Variants in PCDHGB4 observed in about 807,000 individuals in gnomAD.
The protein encoded by PCDHGB4 is protocadherin gamma-B4.
In PCDHGB4, 38 loss-of-function variants were observed where a neutral mutation model predicts 60.5. The observed-to-expected ratio is 0.63, with a 90% CI of 0.48 to 0.82. PCDHGB4 has a LOEUF of 0.82. Among genes scored for constraint, PCDHGB4 ranks in the 40% least tolerant of loss-of-function variants. The pLI, the probability that PCDHGB4 is intolerant of heterozygous loss-of-function variation, is 0.00. For synonymous variants in PCDHGB4, 456 were observed against 509.7 expected (o/e 0.89, Z 1.42); for missense variants, 1,109 against 1,209.6 (o/e 0.92, Z 1.23).
chr5:141,432,104 C>T lies in PCDHGB4; in HGVS notation c.2397+41823C>T. The stretch of plus-strand genomic sequence containing the variant: ...GAACGTGGCAGACACCAACGACAAC[C>T]CGCCGGTCTTCCCTCAGGCCTCCTA... On this transcript the variant is annotated intron_variant, in intron 1 of 3. Coordinates refer to ENST00000519479, the MANE Select transcript of PCDHGB4 (RefSeq NM_003736.4). This position sits in a 1 kb window ranked among gnomAD's most constrained non-coding sequence, Gnocchi z 6.0. 1 of 1,614,204 alleles carries T rather than the reference C, an allele frequency of 6.2e-7. No individual in the cohort carries two copies. The highest frequency in any genetic ancestry group is 1.7e-5 in the Admixed American group (1 of 60,026).
rs2092063198 is a variant in PCDHGB4 at position 141,390,146 on chromosome 5, T to C, written c.2262T>C (p.Val754=). The C allele has an allele frequency of 6.2e-7, 1 of 1,614,026 alleles. No individual in the cohort carries two copies. Among genetic ancestry groups the C allele is most frequent in the Non-Finnish European group, 8.5e-7 (1 of 1,179,900 alleles). The change falls in exon 1 of 4, where the codon GTT becomes GTC. Residue 754 remains valine (V), a synonymous_variant. Transcript: ENST00000519479. ...TGCCTTATTCCTACAATCTATGTGT[T>C]GCACATACAGGAAAGACGGAGTTTA... is the stretch of plus-strand genomic sequence containing the variant. ...GTLPYSYNLC[V]AHTGKTEFNF... is the part of the protein sequence containing the mutation.
intron 1 of PCDHGB4, among the ~76,000 whole-genome samples, chr5:141,443,477 C>T (rs1279226136): frequency 6.6e-6 from 1 of 152,116 alleles, no homozygotes; most frequent in Non-Finnish European, 1.5e-5. Flanking sequence ...CAGAATTAGA[C>T]CCTGTCCCAA....
chr5:141,497,831 C>T (rs1336808833), intron 2 of PCDHGB4, among the ~76,000 whole-genome samples: 1 of 152,162 alleles, frequency 6.6e-6, no homozygotes, highest in Non-Finnish European at 1.5e-5. Flanking sequence ...TGATCGCCCC[C>T]GGCCACAACA....
At chr5:141,419,702 G>T (rs116279995) in intron 1 of PCDHGB4, 2 of 1,612,834 alleles carry the variant, frequency 1.2e-6, no homozygotes, top group East Asian at 4.5e-5. Context: ...CAGTGAGCCC[G>T]GGCTCTTCAG....
chr5:141,432,873 T>A lies in PCDHGB4; in HGVS notation c.2397+42592T>A, dbSNP rs753576338. ...GTGGCCGCGGTCTCCTGCGTCTTCCTGGCCTTCGTCATCTTGCTGCTGGCG... is the reference window on the plus strand; with the variant it reads ...GTGGCCGCGGTCTCCTGCGTCTTCCAGGCCTTCGTCATCTTGCTGCTGGCG... On this transcript the variant is annotated intron_variant, in intron 1 of 3. Transcript: ENST00000519479. This position sits in a 1 kb window ranked among gnomAD's most constrained non-coding sequence, Gnocchi z 6.0. 1.4e-5 allele frequency: 22 copies of A among 1,614,204 alleles called. No individual in the cohort carries two copies. The highest frequency in any genetic ancestry group is 3.3e-4 in the Middle Eastern group (2 of 6,062).
intron 1 of PCDHGB4, chr5:141,423,477 C>T (rs376147466): frequency 1.5e-5 from 24 of 1,613,872 alleles, no homozygotes; most frequent in Non-Finnish European, 1.9e-5. Flanking sequence ...TACAGGCTTT[C>T]CTGCAAACCT....
At chr5:141,413,219 G>C in intron 1 of PCDHGB4, 1 of 1,613,506 alleles carries the variant, frequency 6.2e-7, no homozygotes, top group Non-Finnish European at 8.5e-7. Context: ...AAGGATTGCA[G>C]CGGGCTGGTC....
At chr5:141,403,740 C>T in intron 1 of PCDHGB4, 1 of 1,613,920 alleles carries the variant, frequency 6.2e-7, no homozygotes, top group Non-Finnish European at 8.5e-7. Flanking sequence ...TGGCTGCTTA[C>T]TGCAACAGCC....
chr5:141,487,889 T>C lies in PCDHGB4; in HGVS notation c.2398-6918T>C, dbSNP rs984668596. On this transcript the variant is annotated intron_variant, in intron 1 of 3. Transcript: ENST00000519479. The surrounding 1 kb of genome is among the most constrained non-coding windows in gnomAD (Gnocchi z 5.0). ...CAAGAGCCAGGCTGTTGTGGAAGCA[T>C]GATGATGGAATGTGGGAGCACAGGA... 6.7e-6 allele frequency: 5 copies of C among 747,180 alleles called. No homozygotes were observed. The highest frequency in any genetic ancestry group is 1.1e-5 in the Non-Finnish European group (5 of 464,054). The allele number at this position is 747,180 out of a possible 1,614,324, so 46.3% of individuals were successfully genotyped here. A position where few individuals can be genotyped will look rare whatever the true frequency, so the allele number is the denominator to read the frequency against.
Position 141,485,890 on chromosome 5 carries a change from C to G in PCDHGB4, c.2398-8917C>G. 4 of 1,614,156 alleles carry G rather than the reference C, an allele frequency of 2.5e-6. No individual in the cohort carries two copies. Among genetic ancestry groups the G allele is most frequent in the Non-Finnish European group, 2.5e-6 (3 of 1,180,022 alleles). The stretch of plus-strand genomic sequence containing the variant: ...CCGTGCTGGACGTAAACGACAACGC[C>G]CCAGCCTTCCAGCAATCCAGCTACA... On this transcript the variant is annotated intron_variant, in intron 1 of 3. Coordinates refer to ENST00000519479, the MANE Select transcript of PCDHGB4 (RefSeq NM_003736.4). The surrounding 1 kb of genome is among the most constrained non-coding windows in gnomAD (Gnocchi z 5.7).
chr5:141,429,330 T>C (rs2097204620), intron 1 of PCDHGB4, among the ~76,000 whole-genome samples: 1 of 152,188 alleles, frequency 6.6e-6, no homozygotes, highest in East Asian at 1.9e-4. Flanking sequence ...CTTTAATCCA[T>C]TAACTATAAA....
chr5:141,439,162 C>T (rs1422780686), intron 1 of PCDHGB4, among the ~76,000 whole-genome samples: 1 of 149,498 alleles, frequency 6.7e-6, no homozygotes, highest in Non-Finnish European at 1.5e-5. Flanking sequence ...CACTGCACTC[C>T]AGCCTGGGCG....
In PCDHGB4 at chr5:141,477,041, C is replaced by A; in HGVS notation, c.2398-17766C>A. 3 of 1,614,242 alleles carry A rather than the reference C, an allele frequency of 1.9e-6. No individual in the cohort carries two copies. Among genetic ancestry groups the A allele is most frequent in the Admixed American group, 1.7e-5 (1 of 60,036 alleles). Reference sequence around the variant, plus strand: ...AACCGGGATGCTGACAATCAAGGGTCGGCTGGACTTCGAGGACACCAAACT... The same window carrying A: ...AACCGGGATGCTGACAATCAAGGGTAGGCTGGACTTCGAGGACACCAAACT... On this transcript the variant is annotated intron_variant, in intron 1 of 3. Transcript: ENST00000519479. The surrounding 1 kb of genome is among the most constrained non-coding windows in gnomAD (Gnocchi z 4.9).
chr5:141,505,418 A>T lies in PCDHGB4; in HGVS notation c.2482A>T (p.Thr828Ser). 1 of 1,614,186 alleles carries T rather than the reference A, an allele frequency of 6.2e-7. No homozygotes were observed. Among genetic ancestry groups the T allele is most frequent in the East Asian group, 2.2e-5 (1 of 44,876 alleles). The change falls in exon 3 of 4, where the codon ACC becomes TCC. Residue 828 changes from threonine to serine, a missense_variant. By Grantham distance (58) the Thr-to-Ser change is moderately conservative. This residue lies in a region of PCDHGB4 where 1,068 missense variants were observed against 1,089.9 expected (regional missense o/e 0.98). Coordinates refer to ENST00000519479, the MANE Select transcript of PCDHGB4 (RefSeq NM_003736.4). ...SGSQNGDDTG[T>S]WPNNQFDTEM... ...CTCCCAAAATGGCGATGACACCGGC[A>T]CCTGGCCCAACAACCAGTTTGACAC...
rs753581561 is a variant in PCDHGB4, at chr5:141,485,195, T to G, written c.2398-9612T>G. 2.2e-5 allele frequency: 36 copies of G among 1,613,912 alleles called. No homozygotes were observed. Among genetic ancestry groups the G allele is most frequent in the Non-Finnish European group, 1.4e-5 (16 of 1,179,906 alleles). ...AGCAATGCTCCGCAAGGTGAGAAGC[T>G]GGACAGAAATCTGGCGGTGGGCTAC... is the stretch of plus-strand genomic sequence containing the variant. On this transcript the variant is annotated intron_variant, in intron 1 of 3. Transcript: ENST00000519479. The surrounding 1 kb of genome is among the most constrained non-coding windows in gnomAD (Gnocchi z 5.7).
intron 1 of PCDHGB4, among the ~76,000 whole-genome samples, chr5:141,406,925 G>A (rs1003832711): frequency 2.0e-5 from 3 of 152,268 alleles, no homozygotes; most frequent in African/African-American, 7.2e-5. Flanking sequence ...AGAGAATAAT[G>A]TATTATTTAA....
intron 2 of PCDHGB4, among the ~76,000 whole-genome samples, chr5:141,501,290 TACACAC>T (rs55762287): frequency 0.081 from 10,957 of 136,038 alleles, 480 homozygotes; most frequent in African/African-American, 0.13. Context: ...TATTCCCTTA[TACACAC>T]ACACACACAC....
intron 1 of PCDHGB4, chr5:141,478,700 C>A: frequency 1.3e-6 from 2 of 1,549,172 alleles, no homozygotes; most frequent in Non-Finnish European, 1.7e-6. Flanking sequence ...AAAGTTAGTG[C>A]CTTTGTGAGA....
intron 3 of PCDHGB4, 126 bp downstream of exon 3, chr5:141,505,607 T>A: frequency 6.5e-7 from 1 of 1,528,684 alleles, no homozygotes. Flanking sequence ...TCGGCAGGTC[T>A]GAAAGGACCC....
Sources: gnomAD v4.1 joint callset for allele counts (sites outside exome capture counted in the v4.1 genomes callset) on GRCh38, gnomAD v4.1.1 for gene constraint, gnomAD v4.1.1 regional missense constraint, Gnocchi (gnomAD v3.1) non-coding constraint, MANE v1.5 for transcripts, NCBI Gene and HGNC (gene_info 2026-07-23, HGNC 2026-07-21) for gene names.